Variants in INSYN2B observed in about 807,000 individuals in gnomAD.
INSYN2B encodes protein INSYN2B.
In INSYN2B, 16 loss-of-function variants were observed where a neutral mutation model predicts 41.2. The ratio of observed to expected loss-of-function variants is 0.39; its 90% CI spans 0.26 to 0.59. The LOEUF (loss-of-function observed/expected upper bound fraction) is 0.59. Ranked by LOEUF, INSYN2B falls within the 20% of genes least tolerant of loss-of-function variation. INSYN2B has a pLI of 0.57. For synonymous variants in INSYN2B, 245 were observed against 244.4 expected (o/e 1.00, Z -0.02); for missense variants, 608 against 646.4 (o/e 0.94, Z 0.64).
chr5:169,867,417 CTG>C (rs1581319206), intron 3 of INSYN2B, among the ~76,000 whole-genome samples: 2 of 146,050 alleles, frequency 1.4e-5, no homozygotes, highest in Non-Finnish European at 3.0e-5. Flanking sequence ...CTCTGTCTGT[CTG>C]TCTGTCTGTC....
Position 169,882,640 on chromosome 5 carries a change from T to A in INSYN2B, c.1259A>T (p.Glu420Val). The part of the protein sequence containing the change: ...CDLQGRLQSV[E>V]ESLHSNQEKI... ...CTCTTGGTTCGAGTGCAGAGATTCC[T>A]CCACAGATTGCAGTCGGCCTTGGAG... Residue 420 changes from glutamate (E) to valine (V), a missense_variant, in exon 2 of 4, where the codon GAG becomes GTG. Transcript: ENST00000377365. The A allele has an allele frequency of 6.4e-7, 1 of 1,552,036 alleles. No homozygotes were observed. The highest frequency in any genetic ancestry group is 8.7e-7 in the Non-Finnish European group (1 of 1,147,016).
At chr5:169,934,472 AAG>A (rs1256867058) in intron 1 of INSYN2B, among the ~76,000 whole-genome samples, 1 of 152,224 alleles carries the variant, frequency 6.6e-6, no homozygotes, top group East Asian at 1.9e-4. Context: ...GTTTTGTAGT[AAG>A]AGGTGCATGC....
At chr5:169,899,837 T>G (rs527265341) in intron 1 of INSYN2B, among the ~76,000 whole-genome samples, 126 of 152,332 alleles carry the variant, frequency 8.3e-4, no homozygotes, top group South Asian at 2.1e-3. Flanking sequence ...CTTTCTTTAC[T>G]CTCAGATTTT....
intron 1 of INSYN2B, among the ~76,000 whole-genome samples, chr5:169,897,487 C>T (rs889255746): frequency 2.0e-5 from 3 of 152,086 alleles, no homozygotes; most frequent in Admixed American, 6.6e-5. Context: ...CCGTACTCGG[C>T]CAGGAATGTG....
intron 1 of INSYN2B, among the ~76,000 whole-genome samples, chr5:169,952,434 A>T (rs1010497476): frequency 1.4e-4 from 22 of 152,076 alleles, no homozygotes; most frequent in African/African-American, 4.1e-4. Flanking sequence ...AAGGACAAAC[A>T]GAGAAGTAGC....
At chr5:169,879,961 T>A (rs1772542640) in intron 3 of INSYN2B, among the ~76,000 whole-genome samples, 1 of 152,230 alleles carries the variant, frequency 6.6e-6, no homozygotes. Flanking sequence ...TGGAGGTTAG[T>A]TCAAATTAAT....
chr5:169,951,037 G>A (rs72828608), intron 1 of INSYN2B, among the ~76,000 whole-genome samples: 2,246 of 152,266 alleles, frequency 0.015, 26 homozygotes, highest in South Asian at 0.05. Context: ...CAGCGTCACC[G>A]GTCCTGCATT....
At chr5:169,927,923 T>C (rs1775553933) in intron 1 of INSYN2B, among the ~76,000 whole-genome samples, 1 of 151,950 alleles carries the variant, frequency 6.6e-6, no homozygotes. Flanking sequence ...GCCCGAAAAA[T>C]TCTTTATTCA....
intron 1 of INSYN2B, among the ~76,000 whole-genome samples, chr5:169,963,156 A>G (rs1294596239): frequency 6.6e-6 from 1 of 152,192 alleles, no homozygotes; most frequent in Non-Finnish European, 1.5e-5. Flanking sequence ...TGCTGTAACC[A>G]AAAGAGAGTT....
intron 1 of INSYN2B, among the ~76,000 whole-genome samples, chr5:169,964,951 T>C (rs1452386737): frequency 1.3e-5 from 2 of 152,240 alleles, no homozygotes; most frequent in Non-Finnish European, 2.9e-5. Context: ...CATATTGGCA[T>C]TCATATCTGT....
chr5:169,969,471 G>T (rs1777422830), intron 1 of INSYN2B, among the ~76,000 whole-genome samples: 1 of 152,106 alleles, frequency 6.6e-6, no homozygotes, highest in Non-Finnish European at 1.5e-5. Flanking sequence ...AGAAAAAAAT[G>T]AATTGGACTT....
In INSYN2B at chr5:169,948,613, A is replaced by ATTTTTTTTTTTTTTTTTTTTTTT. The variant is rs772095719; in HGVS notation, c.-919+31663_-919+31664insAAAAAAAAAAAAAAAAAAAAAAA. 2.3e-4 allele frequency among the ~76,000 whole-genome samples: 31 copies of ATTTTTTTTTTTTTTTTTTTTTTT among 135,938 alleles called. 1 individual carries two copies. The South Asian group carries it at 6.7e-3, about 29-fold the overall frequency. The allele number at this position is 135,938 out of a possible 152,430, so 89.2% of individuals were successfully genotyped here. On this transcript the variant is annotated intron_variant, in intron 1 of 3. Coordinates refer to ENST00000377365, the MANE Select transcript of INSYN2B (RefSeq NM_001129891.3). ...TTCTTATTCCTTCCTTCCACAATTA[A>ATTTTTTTTTTTTTTTTTTTTTTT]TTTTTTTTTTTTTTTTTAGAGACAG... is the stretch of plus-strand genomic sequence containing the variant.
intron 3 of INSYN2B, among the ~76,000 whole-genome samples, chr5:169,872,163 C>T (rs1444278817): frequency 6.6e-6 from 1 of 152,194 alleles, no homozygotes; most frequent in Non-Finnish European, 1.5e-5. Context: ...CTTGTTGGAA[C>T]ATTTCTGTGG....
intron 1 of INSYN2B, among the ~76,000 whole-genome samples, chr5:169,887,269 G>C (rs1200060423): frequency 4.6e-5 from 7 of 152,204 alleles, no homozygotes; most frequent in Admixed American, 3.3e-4. Context: ...GTATCCTTTA[G>C]ATGTTTTCTT....
intron 1 of INSYN2B, among the ~76,000 whole-genome samples, chr5:169,912,385 T>C (rs1047198503): frequency 6.6e-6 from 1 of 152,170 alleles, no homozygotes; most frequent in Non-Finnish European, 1.5e-5. Flanking sequence ...CATTGTCTAT[T>C]GGCTTTCAGG....
chr5:169,889,649 A>G (rs530776943), intron 1 of INSYN2B, among the ~76,000 whole-genome samples: 2 of 152,368 alleles, frequency 1.3e-5, no homozygotes, highest in South Asian at 4.1e-4. Context: ...TTAAAGGGCC[A>G]GATAGTAAAT....
intron 1 of INSYN2B, among the ~76,000 whole-genome samples, chr5:169,904,911 G>A (rs988027699): frequency 5.3e-5 from 8 of 152,094 alleles, no homozygotes; most frequent in Non-Finnish European, 1.0e-4. Flanking sequence ...GGAAGAAACC[G>A]GCTCTGGAAC....
chr5:169,865,504 C>T (rs372640169), intron 3 of INSYN2B, among the ~76,000 whole-genome samples: 2 of 152,214 alleles, frequency 1.3e-5, no homozygotes, highest in Admixed American at 1.3e-4. Context: ...CTTAGACATC[C>T]CTGTGGGCTG....
rs577395351 is a variant in INSYN2B, at chr5:169,956,039, G to GAAA, written c.-919+24235_-919+24237dup. ...TCAAATGTGGGGGAGACATAGATTT[G>GAAA]AAAAAAAAAAAAAAGAGCCCAGGCT... On this transcript the variant is annotated intron_variant, in intron 1 of 3. Transcript: ENST00000377365. Among the ~76,000 whole-genome samples the GAAA allele has an allele frequency of 1.8e-3, 236 of 132,904 alleles. 4 individuals are homozygous for GAAA. In the South Asian group the frequency reaches 0.047, roughly 26 times the overall value. The allele number at this position is 132,904 out of a possible 152,430, so 87.2% of individuals were successfully genotyped here.
Sources: gnomAD v4.1 joint callset for allele counts (sites outside exome capture counted in the v4.1 genomes callset) on GRCh38, gnomAD v4.1.1 for gene constraint, MANE v1.5 for transcripts, NCBI Gene and HGNC (gene_info 2026-07-23, HGNC 2026-07-21) for gene names.